Variants in GALNT14 observed in about 807,000 individuals in gnomAD.
GALNT14 encodes the protein UDP-GalNAc:polypeptide N-acetylgalactosaminyltransferase 14.
GALNT14 carries 60 observed loss-of-function variants against 77.5 expected under a neutral mutation model. The observed-to-expected ratio is 0.77, with a 90% CI of 0.63 to 0.96. The LOEUF is 0.96. Among genes scored for constraint, GALNT14 ranks in the 40% least tolerant of loss-of-function variants. GALNT14 has a pLI of 0.00. For synonymous variants in GALNT14, 280 were observed against 281.7 expected, an observed-to-expected ratio of 0.99 and a Z score of 0.06; for missense variants, 710 against 731.0, an observed-to-expected ratio of 0.97 and a Z score of 0.33.
chr2:30,980,557 T>C (rs1668923636), intron 2 of GALNT14, among the ~76,000 whole-genome samples: 1 of 152,168 alleles, frequency 6.6e-6, no homozygotes, highest in Admixed American at 6.5e-5. Flanking sequence ...GATGAAGAAA[T>C]GGGGTCTCTG....
At chr2:30,976,771 A>G (rs575098724) in intron 2 of GALNT14, among the ~76,000 whole-genome samples, 1 of 152,298 alleles carries the variant, frequency 6.6e-6, no homozygotes, top group South Asian at 2.1e-4. Flanking sequence ...GAGCTCCTTC[A>G]TGTCTTATTT....
intron 2 of GALNT14, among the ~76,000 whole-genome samples, chr2:30,972,820 G>T (rs1429015165): frequency 6.6e-6 from 1 of 152,218 alleles, no homozygotes; most frequent in African/African-American, 2.4e-5. Context: ...GGGACTGGCT[G>T]CTGCTCCTGG....
chr2:30,910,178 T>C (rs1039471362), downstream of GALNT14, among the ~76,000 whole-genome samples: 1 of 151,314 alleles, frequency 6.6e-6, no homozygotes, highest in African/African-American at 2.4e-5. Context: ...ACCTGCACAA[T>C]GTGCACATGT....
chr2:31,027,189 T>C (rs1016436095), intron 1 of GALNT14, among the ~76,000 whole-genome samples: 2 of 152,204 alleles, frequency 1.3e-5, no homozygotes, highest in Non-Finnish European at 2.9e-5. Context: ...CCCAACACTT[T>C]GGGAGGCCAA....
intron 13 of GALNT14, among the ~76,000 whole-genome samples, chr2:30,920,565 G>A (rs576831273): frequency 6.6e-6 from 1 of 152,060 alleles, no homozygotes; most frequent in Admixed American, 6.5e-5. Context: ...ATTTACATGG[G>A]AAGGAGGAGC....
intron 9 of GALNT14, 72 bp downstream of exon 9, chr2:30,942,129 C>T: frequency 1.8e-6 from 2 of 1,110,612 alleles, no homozygotes; most frequent in Non-Finnish European, 2.7e-6. Flanking sequence ...GATCCAAAAC[C>T]ACAGAGGTCC....
intron 1 of GALNT14, among the ~76,000 whole-genome samples, chr2:31,015,444 C>T (rs1340675532): frequency 6.6e-6 from 1 of 152,048 alleles, no homozygotes; most frequent in Non-Finnish European, 1.5e-5. Flanking sequence ...TAAAAAGGGT[C>T]CGGAAAATCT....
chr2:31,035,640 C>T (rs866323866), intron 1 of GALNT14, among the ~76,000 whole-genome samples: 3 of 146,282 alleles, frequency 2.1e-5, no homozygotes, highest in South Asian at 2.2e-4. Flanking sequence ...CACACACACA[C>T]ACACACACAC....
At chr2:31,111,282 C>A (rs1166410511) in intron 1 of GALNT14, among the ~76,000 whole-genome samples, 1 of 152,214 alleles carries the variant, frequency 6.6e-6, no homozygotes, top group Non-Finnish European at 1.5e-5. Context: ...AGGACAGGGA[C>A]CTTCCGGGGT....
At chr2:31,017,578 G>C (rs1163351005) in intron 1 of GALNT14, among the ~76,000 whole-genome samples, 2 of 152,128 alleles carry the variant, frequency 1.3e-5, no homozygotes, top group East Asian at 3.9e-4. Flanking sequence ...TCAGGGGAGA[G>C]TCAGACAGGA....
At chr2:30,954,784 G>A (rs1667255778) in intron 6 of GALNT14, among the ~76,000 whole-genome samples, 1 of 152,218 alleles carries the variant, frequency 6.6e-6, no homozygotes, top group Admixed American at 6.5e-5. Flanking sequence ...GCGTTCTGGT[G>A]CTGGTGGTAC....
Position 31,096,287 on chromosome 2 carries a change from C to T in GALNT14, c.129+41671G>A, listed in dbSNP as rs1312617646. On this transcript the variant is annotated intron_variant, in intron 1 of 14. Coordinates refer to ENST00000349752, the MANE Select transcript of GALNT14 (RefSeq NM_024572.4). ...CTCTTGTCATGTAACCTACCATATT[C>T]AGTTTCTGAGAATTAGGATGTGCAC... Among the ~76,000 whole-genome samples, 9 of 152,292 alleles carry T rather than the reference C, an allele frequency of 5.9e-5. 1 individual carries two copies. The South Asian group carries it at 6.2e-4, about 11-fold the overall frequency.
intron 11 of GALNT14, among the ~76,000 whole-genome samples, chr2:30,926,023 CAT>C (rs766938262): frequency 4.6e-5 from 7 of 152,180 alleles, no homozygotes; most frequent in Non-Finnish European, 1.0e-4. Context: ...TGGGCAAACA[CAT>C]AGAGCTGGCC....
intron 13 of GALNT14, among the ~76,000 whole-genome samples, chr2:30,917,076 CAAAAAAAAAA>C (rs529653696): frequency 5.9e-3 from 118 of 19,908 alleles, no homozygotes; most frequent in African/African-American, 0.012. Context: ...GACTCCGTCT[CAAAAAAAAAA>C]AAAAAAAAAA....
chr2:31,119,088 T>C (rs73921487), intron 1 of GALNT14, among the ~76,000 whole-genome samples: 21,089 of 151,920 alleles, frequency 0.14, 2,144 homozygotes, highest in African/African-American at 0.29. Context: ...GACCTAAGAT[T>C]TAAAAGTTTA....
chr2:31,047,447 C>A (rs1013295854), intron 1 of GALNT14, among the ~76,000 whole-genome samples: 2 of 152,170 alleles, frequency 1.3e-5, no homozygotes, highest in African/African-American at 2.4e-5. Context: ...GACAGGGCAT[C>A]CCAGGGCCAC....
chr2:30,958,874 G>A (rs1372819305), intron 3 of GALNT14, among the ~76,000 whole-genome samples: 2 of 152,136 alleles, frequency 1.3e-5, no homozygotes, highest in South Asian at 2.1e-4. Context: ...CATCTTGCTC[G>A]TGGTCTCCAG....
At position 30,910,861 on chromosome 2, in the gene GALNT14, A is replaced by AGCACC. The variant is rs774392633; in HGVS notation, c.*35_*39dup. ...TTTCCAGTCTGTTCTGGTCCAGGGA[A>AGCACC]GCACCACCCCATGGCCCTTGCTGCT... On this transcript the variant is annotated 3_prime_UTR_variant, in exon 15 of 15. Coordinates refer to ENST00000349752, the MANE Select transcript of GALNT14 (RefSeq NM_024572.4). The AGCACC allele has an allele frequency of 6.2e-7, 1 of 1,604,600 alleles. No individual in the cohort carries two copies. Among genetic ancestry groups the AGCACC allele is most frequent in the East Asian group, 2.2e-5 (1 of 44,778 alleles).
intron 1 of GALNT14, among the ~76,000 whole-genome samples, chr2:31,130,852 G>T (rs1448945929): frequency 6.6e-6 from 1 of 151,270 alleles, no homozygotes; most frequent in Admixed American, 6.6e-5. Flanking sequence ...ATCCCAAAGG[G>T]GTTCTTTCTT....
Sources: gnomAD v4.1 joint callset for allele counts (sites outside exome capture counted in the v4.1 genomes callset) on GRCh38, gnomAD v4.1.1 for gene constraint, MANE v1.5 for transcripts, NCBI Gene and HGNC (gene_info 2026-07-23, HGNC 2026-07-21) for gene names.